The following TAMM41 variants were observed in gnomAD, a reference collection of about 807,000 sequenced individuals.
TAMM41 encodes TAM41 mitochondrial translocator assembly and maintenance homolog.
Under a neutral mutation model 44.1 loss-of-function variants are expected in TAMM41, and 36 were observed. That is an observed-to-expected ratio of 0.82 (90% CI 0.63 to 1.08). The LOEUF is 1.08. TAMM41 is among the 50% of genes least tolerant of loss of function. TAMM41 has a pLI of 0.00. For missense variants in TAMM41, 417 were observed against 404.3 expected (o/e 1.03, Z -0.27); for synonymous variants, 164 against 153.1 (o/e 1.07, Z -0.53).
At chr3:11,772,258 G>T in the TAMM41 span, among the ~76,000 whole-genome samples, 6,308 of 135,756 alleles carry the variant, frequency 0.046, 135 homozygotes, top group Middle Eastern at 0.082. Flanking sequence ...TTTTTTTGTA[G>T]TTTTAGTAGA....
At chr3:11,738,924 G>T in the TAMM41 span, among the ~76,000 whole-genome samples, 6 of 152,320 alleles carry the variant, frequency 3.9e-5, no homozygotes, top group East Asian at 1.2e-3. Context: ...CCAAGTCCAA[G>T]TTCTTAGCAC....
Position 11,839,314 on chromosome 3 carries a change from G to C in TAMM41, c.319C>G (p.Leu107Val). The change falls in exon 3 of 8, where the codon CTT (leucine) becomes GTT (valine). Residue 107 changes from leucine (L) to valine (V), a missense_variant and splice_region_variant. Coordinates refer to ENST00000455809, the MANE Select transcript of TAMM41 (RefSeq NM_001284401.2). Reference sequence around the variant, plus strand: ...GTGCTAATAACTCCATATTTGATAAGCTGAAGGAAAAAAGAAATGGCACAA... The same window carrying C: ...GTGCTAATAACTCCATATTTGATAACCTGAAGGAAAAAAGAAATGGCACAA... Reference protein sequence around the residue: ...YNSLIMCNGRLIKYGVISTNV... With the variant: ...YNSLIMCNGRVIKYGVISTNV... The C allele has an allele frequency of 6.2e-7, 1 of 1,600,606 alleles. No individual in the cohort carries two copies. Among genetic ancestry groups the C allele is most frequent in the Non-Finnish European group, 8.5e-7 (1 of 1,170,170 alleles).
the TAMM41 span, among the ~76,000 whole-genome samples, chr3:11,777,302 A>G: frequency 6.6e-6 from 1 of 152,206 alleles, no homozygotes; most frequent in South Asian, 2.1e-4. Flanking sequence ...AAAAAAAGGT[A>G]ACTATTTGAG....
At chr3:11,737,416 G>A in the TAMM41 span, among the ~76,000 whole-genome samples, 3 of 151,770 alleles carry the variant, frequency 2.0e-5, no homozygotes, top group Non-Finnish European at 2.9e-5. Flanking sequence ...CGCCTCCCAG[G>A]TTCAAGCGAT....
intron 7 of TAMM41, 117 bp downstream of exon 7, chr3:11,807,716 C>T (rs2077959060): frequency 1.3e-6 from 2 of 1,536,140 alleles, no homozygotes; most frequent in African/African-American, 1.4e-5. Context: ...AGTTTATGGC[C>T]ATCAAAGCTC....
rs567491488 is a variant in TAMM41 at position 11,836,435 on chromosome 3, C to T, written c.411+2787G>A. Among the ~76,000 whole-genome samples the T allele has an allele frequency of 3.3e-5, 5 of 152,242 alleles. No homozygotes were observed. The South Asian group carries it at 1.0e-3, about 32-fold the overall frequency. ...CTCAAGGCTTCTAATTTCATGTCCA[C>T]TATTCTTCCCATCAAGCTATATATT... On this transcript the variant is annotated intron_variant, in intron 3 of 7. Coordinates refer to ENST00000455809, the MANE Select transcript of TAMM41 (RefSeq NM_001284401.2).
At chr3:11,742,221 A>C in the TAMM41 span, among the ~76,000 whole-genome samples, 1 of 148,712 alleles carries the variant, frequency 6.7e-6, no homozygotes, top group Non-Finnish European at 1.5e-5. Flanking sequence ...TTGTAACCCC[A>C]CTCCCCTCCC....
the TAMM41 span, among the ~76,000 whole-genome samples, chr3:11,766,059 T>C: frequency 5.9e-5 from 9 of 152,320 alleles, no homozygotes; most frequent in African/African-American, 2.2e-4. Context: ...GAGAGACTCA[T>C]AGAGTCCACA....
chr3:11,729,539 ATTTTTTTTTTTTTTTT>A, the TAMM41 span, among the ~76,000 whole-genome samples: 13 of 32,296 alleles, frequency 4.0e-4, no homozygotes, highest in Admixed American at 3.7e-3. Context: ...TCTTTCTTTC[ATTTTTTTTTTTTTTTT>A]TTTTTTTTTT....
intron 1 of TAMM41, among the ~76,000 whole-genome samples, chr3:11,845,593 A>G (rs2079646851): frequency 6.6e-6 from 1 of 152,242 alleles, no homozygotes; most frequent in African/African-American, 2.4e-5. Context: ...TAACTAGCCT[A>G]TAATAACCTA....
chr3:11,839,812 ATGT>A (rs2079354434), intron 2 of TAMM41, among the ~76,000 whole-genome samples: 1 of 152,190 alleles, frequency 6.6e-6, no homozygotes, highest in South Asian at 2.1e-4. Context: ...TTCTGCTAAA[ATGT>A]TGGGATAGTT....
chr3:11,829,526 T>C (rs1171252966), intron 4 of TAMM41, among the ~76,000 whole-genome samples, 188 bp downstream of exon 4: 1 of 152,098 alleles, frequency 6.6e-6, no homozygotes, highest in African/African-American at 2.4e-5. Context: ...ACAATAAGCA[T>C]GGAGATGTGG....
the TAMM41 span, among the ~76,000 whole-genome samples, chr3:11,757,020 A>G: frequency 6.6e-6 from 1 of 152,210 alleles, no homozygotes; most frequent in Non-Finnish European, 1.5e-5. Context: ...ACTGGGAACT[A>G]TTCTAGCTGA....
Position 11,846,675 on chromosome 3 carries a change from C to A in TAMM41, c.-39G>T. On this transcript the variant is annotated 5_prime_UTR_variant, in exon 1 of 8. Transcript: ENST00000455809. ...ACAGGGGACACTCAGCGCAGCAGGG[C>A]GAGGACAACCGGGCGGGGAACAGAC... 1 of 1,613,006 alleles carries A rather than the reference C, an allele frequency of 6.2e-7. No individual in the cohort carries two copies. Among genetic ancestry groups the A allele is most frequent in the Non-Finnish European group, 8.5e-7 (1 of 1,179,442 alleles).
the TAMM41 span, among the ~76,000 whole-genome samples, chr3:11,757,635 C>G: frequency 6.6e-6 from 1 of 152,198 alleles, no homozygotes; most frequent in Non-Finnish European, 1.5e-5. Flanking sequence ...GATATCAGGC[C>G]CCAATGGGCC....
At chr3:11,769,355 A>ATT in the TAMM41 span, among the ~76,000 whole-genome samples, 18 of 132,896 alleles carry the variant, frequency 1.4e-4, no homozygotes, top group South Asian at 2.4e-4. Flanking sequence ...CTCCCAAGAG[A>ATT]TTTTTTTTTT....
At chr3:11,837,474 T>TC (rs1385105713) in intron 3 of TAMM41, among the ~76,000 whole-genome samples, 1 of 152,014 alleles carries the variant, frequency 6.6e-6, no homozygotes, top group Non-Finnish European at 1.5e-5. Context: ...TCTCCCACTT[T>TC]TTTTTTTTCC....
At chr3:11,820,457 T>TTAAA (rs2078469970) in intron 4 of TAMM41, among the ~76,000 whole-genome samples, 1 of 152,180 alleles carries the variant, frequency 6.6e-6, no homozygotes, top group African/African-American at 2.4e-5. Flanking sequence ...TTAAAGGACC[T>TTAAA]AGAAAACACT....
the TAMM41 span, among the ~76,000 whole-genome samples, chr3:11,735,389 AAATATGGGCTGAGGC>A: frequency 1.3e-5 from 2 of 151,990 alleles, no homozygotes; most frequent in Non-Finnish European, 2.9e-5. Context: ...TTTAAAAAGT[AAATATGGGCTGAGGC>A]AGGCAGATCA....
Sources: gnomAD v4.1 joint callset for allele counts (sites outside exome capture counted in the v4.1 genomes callset) on GRCh38, gnomAD v4.1.1 for gene constraint, MANE v1.5 for transcripts, NCBI Gene and HGNC (gene_info 2026-07-23, HGNC 2026-07-21) for gene names.